The following CNTN1 variants were observed in gnomAD, a reference collection of about 807,000 sequenced individuals.
CNTN1 encodes the protein contactin 1, also known as contactin-1.
CNTN1 carries 38 observed loss-of-function variants against 126.4 expected under a neutral mutation model. That is an observed-to-expected ratio of 0.30 (90% CI 0.23 to 0.39). The LOEUF (loss-of-function observed/expected upper bound fraction) is 0.39. Among genes scored for constraint, CNTN1 ranks in the 10% least tolerant of loss-of-function variants. The pLI is 1.00. For missense variants in CNTN1, 1,009 were observed against 1,248.4 expected, an observed-to-expected ratio of 0.81 and a Z score of 2.89; for synonymous variants, 413 against 422.6, an observed-to-expected ratio of 0.98 and a Z score of 0.28.
intron 1 of CNTN1, among the ~76,000 whole-genome samples, chr12:40,883,434 A>G (rs1943936587): frequency 6.6e-6 from 1 of 151,608 alleles, no homozygotes; most frequent in Admixed American, 6.6e-5. Flanking sequence ...TTCAAAGGAA[A>G]CAAGAAAATT....
intron 1 of CNTN1, among the ~76,000 whole-genome samples, chr12:40,797,295 C>T (rs1940474515): frequency 1.3e-5 from 2 of 152,064 alleles, no homozygotes; most frequent in Admixed American, 1.3e-4. Context: ...GACACCTAAC[C>T]TATCCTGCAA....
At chr12:40,968,096 G>A (rs1468394411) in intron 15 of CNTN1, among the ~76,000 whole-genome samples, 3 of 151,948 alleles carry the variant, frequency 2.0e-5, no homozygotes, top group East Asian at 1.9e-4. Context: ...TGAATCTAAT[G>A]AGGCTAAGTT....
At chr12:40,812,961 G>A (rs1471607328) in intron 1 of CNTN1, among the ~76,000 whole-genome samples, 1 of 125,586 alleles carries the variant, frequency 8.0e-6, no homozygotes, top group African/African-American at 3.0e-5. Flanking sequence ...TTTTTTTTTG[G>A]TTGTTTTGAA....
rs1224171895 is a variant in CNTN1, at chr12:41,025,290, G to T, written c.2664G>T (p.Gly888=). 2 of 1,613,694 alleles carry T rather than the reference G, an allele frequency of 1.2e-6. No homozygotes were observed. Among genetic ancestry groups the T allele is most frequent in the Non-Finnish European group, 1.7e-6 (2 of 1,179,656 alleles). Residue 888 remains glycine, a synonymous_variant, in exon 21 of 24, where the codon GGG becomes GGT. Coordinates refer to ENST00000551295, the MANE Select transcript of CNTN1 (RefSeq NM_001843.4). ...AAGTCGGGGCCTGCAATAGTGCAGG[G>T]TGTGGACCTCCAAGTGACATGATTG... The part of the protein sequence containing the change: ...FIEVGACNSA[G]CGPPSDMIEA...
At chr12:40,996,273 A>G (rs933662400) in intron 17 of CNTN1, among the ~76,000 whole-genome samples, 3 of 151,850 alleles carry the variant, frequency 2.0e-5, no homozygotes, top group Admixed American at 6.6e-5. Flanking sequence ...CTCGGATTAC[A>G]GGGGCTTGTC....
At position 40,813,122 on chromosome 12, in the gene CNTN1, C is replaced by CTTCT. The variant is rs199869532; in HGVS notation, c.-76-95220_-76-95217dup. On this transcript the variant is annotated intron_variant, in intron 1 of 23. Coordinates refer to ENST00000551295, the MANE Select transcript of CNTN1 (RefSeq NM_001843.4). ...CTTTCTTTTTTTCTTTCTTTCTTTC[C>CTTCT]TTCTTTCTTTCTTTCTTTTTCTTTC... is the stretch of plus-strand genomic sequence containing the variant. 1.1e-4 allele frequency among the ~76,000 whole-genome samples: 13 copies of CTTCT among 117,862 alleles called. 1 individual carries two copies. The highest frequency in any genetic ancestry group is 2.4e-4 in the East Asian group (1 of 4,110). The allele number at this position is 117,862 out of a possible 152,430, so 77.3% of individuals were successfully genotyped here.
intron 15 of CNTN1, among the ~76,000 whole-genome samples, chr12:40,962,077 A>T (rs1411345255): frequency 6.6e-6 from 1 of 152,092 alleles, no homozygotes. Flanking sequence ...TCGCTAAAAA[A>T]TTTTTTATAA....
chr12:40,967,640 C>T (rs1947355823), intron 15 of CNTN1, among the ~76,000 whole-genome samples: 1 of 152,016 alleles, frequency 6.6e-6, no homozygotes, highest in African/African-American at 2.4e-5. Context: ...TACATCCATG[C>T]GTATTTACCA....
intron 1 of CNTN1, among the ~76,000 whole-genome samples, chr12:40,800,938 T>C (rs557696438): frequency 3.3e-5 from 5 of 151,708 alleles, no homozygotes; most frequent in African/African-American, 9.7e-5. Flanking sequence ...TAAGAAAACT[T>C]TCCCACATAA....
At chr12:40,793,139 G>A (rs1348590085) in intron 1 of CNTN1, among the ~76,000 whole-genome samples, 1 of 152,060 alleles carries the variant, frequency 6.6e-6, no homozygotes, top group Non-Finnish European at 1.5e-5. Context: ...TCTGAGGGCT[G>A]CTACCTGTGA....
intron 6 of CNTN1, among the ~76,000 whole-genome samples, chr12:40,927,689 A>T (rs1945742426): frequency 6.6e-6 from 1 of 152,170 alleles, no homozygotes; most frequent in Admixed American, 6.6e-5. Context: ...CAAGTCCCAC[A>T]AATCCAAAGG....
chr12:40,948,280 T>TTC (rs1946514194), intron 14 of CNTN1, among the ~76,000 whole-genome samples: 1 of 145,804 alleles, frequency 6.9e-6, no homozygotes, highest in Non-Finnish European at 1.5e-5. Flanking sequence ...TTTTTTTTTT[T>TTC]TGAGCCACAG....
At chr12:40,761,416 C>A (rs972818668) in intron 1 of CNTN1, among the ~76,000 whole-genome samples, 2 of 151,994 alleles carry the variant, frequency 1.3e-5, no homozygotes, top group Admixed American at 6.6e-5. Flanking sequence ...CTTTAATCTG[C>A]GGTTTCCTTT....
intron 1 of CNTN1, among the ~76,000 whole-genome samples, chr12:40,713,852 T>G (rs1941984595): frequency 6.6e-6 from 1 of 152,116 alleles, no homozygotes; most frequent in Non-Finnish European, 1.5e-5. Flanking sequence ...TTTCCACATT[T>G]AGTGCTTTGG....
chr12:40,740,481 A>T (rs1020664170), intron 1 of CNTN1, among the ~76,000 whole-genome samples: 1 of 152,092 alleles, frequency 6.6e-6, no homozygotes, highest in African/African-American at 2.4e-5. Context: ...AAATGTGTCA[A>T]CTCCTTACAT....
chr12:41,039,740 A>C (rs1187822065), intron 23 of CNTN1, among the ~76,000 whole-genome samples: 1 of 152,150 alleles, frequency 6.6e-6, no homozygotes, highest in African/African-American at 2.4e-5. Context: ...GGAAACAGAG[A>C]TAGCAGATGT....
chr12:40,937,287 G>A (rs1946114350), intron 10 of CNTN1, among the ~76,000 whole-genome samples: 1 of 152,014 alleles, frequency 6.6e-6, no homozygotes, highest in African/African-American at 2.4e-5. Flanking sequence ...ACAAGTAGCA[G>A]CAGTGGGATT....
chr12:40,984,999 G>A (rs532043478), intron 16 of CNTN1, among the ~76,000 whole-genome samples: 1 of 151,988 alleles, frequency 6.6e-6, no homozygotes, highest in African/African-American at 2.4e-5. Context: ...TTATTTTGGG[G>A]GAGTTTATTC....
chr12:40,765,168 G>A (rs1351773267), intron 1 of CNTN1, among the ~76,000 whole-genome samples: 2 of 152,012 alleles, frequency 1.3e-5, no homozygotes, highest in African/African-American at 4.8e-5. Flanking sequence ...GCAGAATATG[G>A]TAAATAAAGG....
Sources: gnomAD v4.1 joint callset for allele counts (sites outside exome capture counted in the v4.1 genomes callset) on GRCh38, gnomAD v4.1.1 for gene constraint, MANE v1.5 for transcripts, NCBI Gene and HGNC (gene_info 2026-07-23, HGNC 2026-07-21) for gene names.